The following TMEM245 variants were observed in gnomAD, a reference collection of about 807,000 sequenced individuals.
The protein encoded by TMEM245 is transmembrane protein 245.
TMEM245 carries 69 observed loss-of-function variants against 101.2 expected under a neutral mutation model. The observed-to-expected ratio is 0.68, with a 90% CI of 0.56 to 0.83. The LOEUF is 0.83. Ranked by LOEUF, TMEM245 falls within the 40% of genes least tolerant of loss-of-function variation. The pLI, the probability that TMEM245 is intolerant of heterozygous loss-of-function variation, is 0.00. For missense variants in TMEM245, 1,075 were observed against 1,092.8 expected, an observed-to-expected ratio of 0.98 and a Z score of 0.23; for synonymous variants, 537 against 449.8, an observed-to-expected ratio of 1.19 and a Z score of -2.45.
At chr9:109,078,423 A>C (rs1484044440) in intron 8 of TMEM245, among the ~76,000 whole-genome samples, 1 of 152,206 alleles carries the variant, frequency 6.6e-6, no homozygotes, top group Admixed American at 6.5e-5. Flanking sequence ...TTAGCATTCC[A>C]TATAAGTGCA....
intron 9 of TMEM245, among the ~76,000 whole-genome samples, chr9:109,066,452 C>CAAA (rs386415818): frequency 0.21 from 10,962 of 52,270 alleles, 2,142 homozygotes; most frequent in Non-Finnish European, 0.26. Context: ...AAGACTGTCT[C>CAAA]AAAAAAAAAA....
At chr9:109,100,453 A>G (rs1035922369) in intron 3 of TMEM245, among the ~76,000 whole-genome samples, 8 of 152,102 alleles carry the variant, frequency 5.3e-5, no homozygotes, top group African/African-American at 1.9e-4. Context: ...CCCTCCCAGT[A>G]GCTGGGACTA....
intron 1 of TMEM245, among the ~76,000 whole-genome samples, chr9:109,114,645 C>A (rs1034623967): frequency 5.3e-5 from 8 of 152,150 alleles, no homozygotes; most frequent in African/African-American, 9.7e-5. Context: ...ACAGAAAAAA[C>A]AAATCTATTA....
intron 16 of TMEM245, 45 bp from the exon 17 acceptor site, chr9:109,033,546 A>T: frequency 6.6e-7 from 1 of 1,513,634 alleles, no homozygotes; most frequent in Non-Finnish European, 8.9e-7. Flanking sequence ...ACTGGAAAAA[A>T]TCTGAAATAC....
chr9:109,020,986 T>C (rs1827604266), intron 17 of TMEM245, among the ~76,000 whole-genome samples: 1 of 152,178 alleles, frequency 6.6e-6, no homozygotes, highest in Non-Finnish European at 1.5e-5. Context: ...AGGGATGTGG[T>C]TCAGTGCAGG....
intron 12 of TMEM245, among the ~76,000 whole-genome samples, chr9:109,055,882 C>A (rs367604624): frequency 2.0e-5 from 3 of 152,318 alleles, no homozygotes; most frequent in Admixed American, 6.5e-5. Context: ...GATCCACCCG[C>A]CTCGGCCTCC....
intron 7 of TMEM245, among the ~76,000 whole-genome samples, chr9:109,082,458 C>G (rs939239422): frequency 6.6e-6 from 1 of 152,160 alleles, no homozygotes; most frequent in Non-Finnish European, 1.5e-5. Context: ...AACTAGTTAT[C>G]AAGGCAGCTT....
At chr9:109,117,926 G>GA (rs1377832950) in intron 1 of TMEM245, among the ~76,000 whole-genome samples, 1 of 152,220 alleles carries the variant, frequency 6.6e-6, no homozygotes, top group African/African-American at 2.4e-5. Flanking sequence ...ACTGAATTGT[G>GA]AAACTGCAAG....
At chr9:109,026,647 T>C (rs972685398) in intron 17 of TMEM245, among the ~76,000 whole-genome samples, 18 of 150,494 alleles carry the variant, frequency 1.2e-4, no homozygotes, top group African/African-American at 4.4e-4. Flanking sequence ...GGGACTGCTA[T>C]GACCTGGCAT....
intron 1 of TMEM245, among the ~76,000 whole-genome samples, chr9:109,109,551 T>TAA (rs1830515413): frequency 6.6e-6 from 1 of 152,174 alleles, no homozygotes; most frequent in African/African-American, 2.4e-5. Context: ...TCTCCTACGT[T>TAA]ATTTTGGTCA....
chr9:109,033,485 G>A lies in TMEM245; in HGVS notation c.2416C>T (p.Leu806=), dbSNP rs748369910. 12 of 1,598,700 alleles carry A rather than the reference G, an allele frequency of 7.5e-6. No individual in the cohort carries two copies. The highest frequency in any genetic ancestry group is 2.2e-5 in the East Asian group (1 of 44,686). The change falls in exon 17 of 18, where the codon CTG becomes TTG. Residue 806 remains leucine, a synonymous_variant. Coordinates refer to ENST00000374586, the MANE Select transcript of TMEM245 (RefSeq NM_032012.4). ...CCACCGGCCACTGCCAAGCCTGTCA[G>A]GTAAGGATGGCCACCTCTGGAATAA... ...SDISGGGHPY[L]TGLAVAGGAY...
At chr9:109,081,565 C>A (rs551958644) in intron 7 of TMEM245, among the ~76,000 whole-genome samples, 1 of 152,122 alleles carries the variant, frequency 6.6e-6, no homozygotes, top group East Asian at 1.9e-4. Flanking sequence ...GGTGAATGCA[C>A]AATCAAGGAG....
chr9:109,033,160 T>G (rs1828015592), intron 17 of TMEM245, 147 bp downstream of exon 17: 3 of 891,196 alleles, frequency 3.4e-6, no homozygotes, highest in Non-Finnish European at 4.8e-6. Flanking sequence ...CGATTTGTAT[T>G]TACTTAGTGT....
Position 109,103,033 on chromosome 9 carries a change from AC to A in TMEM245, c.799+3474del, listed in dbSNP as rs1830320404. Among the ~76,000 whole-genome samples, 7 of 152,360 alleles carry A rather than the reference AC, an allele frequency of 4.6e-5. No individual in the cohort carries two copies. In the South Asian group the frequency reaches 1.4e-3, roughly 32 times the overall value. ...AACAAACTATTTGCAGATATAGGTC[AC>A]TCACAGCCAGGGTACCTCAAAATAA... On this transcript the variant is annotated intron_variant, in intron 3 of 17. Transcript: ENST00000374586.
rs1410992990 is a variant in TMEM245, at chr9:109,057,131, T to C, written c.1854+60A>G. On this transcript the variant is annotated intron_variant, in intron 12 of 17. Transcript: ENST00000374586. ...AGGCCTCAAAGTGTATGAAGAAAACTTGGAATTACAGTTTGTTTTTATTTT... is the reference window on the plus strand; with the variant it reads ...AGGCCTCAAAGTGTATGAAGAAAACCTGGAATTACAGTTTGTTTTTATTTT... The C allele has an allele frequency of 2.5e-6, 4 of 1,573,118 alleles. No individual in the cohort carries two copies. The South Asian group carries it at 3.5e-5, about 14-fold the overall frequency.
chr9:109,112,524 A>T (rs1250507478), intron 1 of TMEM245, among the ~76,000 whole-genome samples: 2 of 149,602 alleles, frequency 1.3e-5, no homozygotes, highest in Non-Finnish European at 3.0e-5. Context: ...CTGGGCAGCA[A>T]GAGCAAAACT....
intron 3 of TMEM245, among the ~76,000 whole-genome samples, chr9:109,100,893 T>G (rs998716047): frequency 3.9e-5 from 6 of 152,206 alleles, no homozygotes; most frequent in African/African-American, 1.4e-4. Flanking sequence ...CTTAAGCTTT[T>G]GGGAAATACT....
intron 1 of TMEM245, among the ~76,000 whole-genome samples, chr9:109,116,675 C>T (rs572070210): frequency 6.6e-5 from 10 of 152,106 alleles, no homozygotes; most frequent in African/African-American, 1.7e-4. Flanking sequence ...CACAGGTGTG[C>T]GCCACCATGC....
intron 17 of TMEM245, among the ~76,000 whole-genome samples, chr9:109,029,574 T>C (rs1401824248): frequency 1.3e-5 from 2 of 152,348 alleles, no homozygotes; most frequent in South Asian, 2.1e-4. Flanking sequence ...TTTTCAGACA[T>C]GCATCATCCC....
Sources: allele counts gnomAD v4.1 joint callset (sites outside exome capture counted in the v4.1 genomes callset), GRCh38; gene constraint gnomAD v4.1.1; transcripts MANE v1.5; gene names NCBI Gene and HGNC (gene_info 2026-07-23, HGNC 2026-07-21).